Variants in DMD observed in about 807,000 individuals in gnomAD.
DMD encodes the protein dystrophin, also known as mutant dystrophin.
In DMD, 63 loss-of-function variants were observed where a neutral mutation model predicts 330.1. That is an observed-to-expected ratio of 0.19 (90% CI 0.16 to 0.24). The LOEUF (loss-of-function observed/expected upper bound fraction) is 0.24, where lower values mean the gene tolerates loss of function less well. Among genes scored for constraint, DMD ranks in the 10% least tolerant of loss-of-function variants. The probability of loss-of-function intolerance (pLI) is 1.00; values close to 1 mark genes in which losing one functional copy is unlikely to be tolerated. For missense variants in DMD, 3,344 were observed against 2,684.1 expected, an observed-to-expected ratio of 1.25 and a Z score of -5.43; for synonymous variants, 1,223 against 959.8, an observed-to-expected ratio of 1.27 and a Z score of -5.07.
At chrX:32,333,037 T>G (rs1027816939) in intron 41 of DMD, among the ~76,000 whole-genome samples, 11 of 111,682 alleles carry the variant, frequency 9.8e-5, no homozygotes, top group African/African-American at 3.6e-4. Flanking sequence ...CTATGGAAAC[T>G]GAGAAACAAT....
intron 2 of DMD, among the ~76,000 whole-genome samples, chrX:32,917,480 A>T (rs1689070187): frequency 8.9e-6 from 1 of 111,871 alleles, no homozygotes; most frequent in African/African-American, 3.3e-5. Context: ...ACAAATTCAC[A>T]AACATAACAT....
chrX:33,266,149 G>T (rs766102601), intron 1 of DMD, among the ~76,000 whole-genome samples: 8 of 111,412 alleles, frequency 7.2e-5, no homozygotes, highest in African/African-American at 2.6e-4. Flanking sequence ...TGATTTCCTT[G>T]ATTTGAAGCA....
At position 32,545,213 on chromosome X, in the gene DMD, G is replaced by C. The variant is rs771176356; in HGVS notation, c.2114C>G (p.Pro705Arg). 1 of 1,208,839 alleles carries C rather than the reference G, an allele frequency of 8.3e-7. No homozygotes were observed. Among genetic ancestry groups the C allele is most frequent in the African/African-American group, 1.8e-5 (1 of 57,045 alleles). ...CTGCCTCTTCTTTTGGGGAGGTGGT[G>C]GTGGAAGTTCCTCTTGAGCATGCTT... ...LVKHAQEELP[P>R]PPPQKKRQIT... is the part of the protein sequence containing the mutation. Residue 705 changes from proline (P) to arginine (R), a missense_variant, in exon 17 of 79, where the codon CCA becomes CGA. Coordinates refer to ENST00000357033, the MANE Select transcript of DMD (RefSeq NM_004006.3).
At chrX:31,789,908 C>T (rs962127341) in intron 50 of DMD, among the ~76,000 whole-genome samples, 9 of 111,160 alleles carry the variant, frequency 8.1e-5, no homozygotes, top group Admixed American at 2.9e-4. Context: ...AGGAATTATA[C>T]ATCTTGAGAA....
intron 1 of DMD, among the ~76,000 whole-genome samples, chrX:33,064,569 T>G (rs778157292): frequency 8.9e-6 from 1 of 112,476 alleles, no homozygotes; most frequent in Admixed American, 9.5e-5. Flanking sequence ...ACTTAAATGA[T>G]ATTCATTATT....
chrX:31,355,451 C>T (rs970098056), intron 60 of DMD, among the ~76,000 whole-genome samples: 1 of 111,784 alleles, frequency 8.9e-6, no homozygotes, highest in African/African-American at 3.3e-5. Flanking sequence ...TTGTCTAGAC[C>T]CTAGATAAAT....
At chrX:32,313,651 C>G (rs1052151708) in intron 41 of DMD, among the ~76,000 whole-genome samples, 2 of 111,308 alleles carry the variant, frequency 1.8e-5, no homozygotes, top group African/African-American at 6.5e-5. Flanking sequence ...TTTAGAAAAC[C>G]CCATCGTCTC....
At chrX:31,974,118 G>A (rs2095419261) in intron 44 of DMD, among the ~76,000 whole-genome samples, 1 of 111,973 alleles carries the variant, frequency 8.9e-6, no homozygotes, top group Admixed American at 9.5e-5. Context: ...GCGGAAGCAC[G>A]GATGCAGTTG....
At chrX:32,347,802 T>G (rs1176326545) in intron 38 of DMD, among the ~76,000 whole-genome samples, 1 of 111,732 alleles carries the variant, frequency 8.9e-6, no homozygotes, top group African/African-American at 3.2e-5. Context: ...GAGAGAAATG[T>G]AGTAGATACT....
At chrX:31,514,653 G>T (rs779638490) in intron 55 of DMD, among the ~76,000 whole-genome samples, 2 of 111,910 alleles carry the variant, frequency 1.8e-5, no homozygotes, top group East Asian at 5.6e-4. Flanking sequence ...TTTGAATAGC[G>T]TCTAGAACAC....
chrX:31,960,525 T>C (rs951549681), intron 45 of DMD, among the ~76,000 whole-genome samples: 2 of 111,311 alleles, frequency 1.8e-5, no homozygotes, highest in African/African-American at 6.5e-5. Flanking sequence ...GGCATGTCCA[T>C]TTACTCTTCA....
chrX:32,738,732 C>G (rs1289636051), intron 7 of DMD, among the ~76,000 whole-genome samples: 2 of 111,263 alleles, frequency 1.8e-5, no homozygotes, highest in Non-Finnish European at 3.8e-5. Context: ...CATAATAACA[C>G]AAGGAAAGAG....
intron 1 of DMD, among the ~76,000 whole-genome samples, chrX:33,321,484 C>A (rs1181158478): frequency 9.0e-6 from 1 of 111,368 alleles, no homozygotes; most frequent in Middle Eastern, 4.3e-3. Flanking sequence ...TTAAAATATT[C>A]AGTAAATCAT....
chrX:31,141,330 C>T (rs1312711796), intron 76 of DMD, among the ~76,000 whole-genome samples: 1 of 112,275 alleles, frequency 8.9e-6, no homozygotes, highest in African/African-American at 3.2e-5. Flanking sequence ...ACATAATGTA[C>T]TCAAGGCCAA....
chrX:32,088,863 T>C (rs1359292131), intron 44 of DMD, among the ~76,000 whole-genome samples: 2 of 111,246 alleles, frequency 1.8e-5, no homozygotes, highest in African/African-American at 6.5e-5. Flanking sequence ...AGCGCTAAGA[T>C]TGAAGTTCAT....
intron 17 of DMD, among the ~76,000 whole-genome samples, chrX:32,527,091 CT>C (rs1287520764): frequency 1.8e-5 from 2 of 111,493 alleles, no homozygotes; most frequent in East Asian, 5.7e-4. Flanking sequence ...TTCATAAAAA[CT>C]TATAAGCCTC....
At chrX:33,040,310 A>C (rs1427530711) in intron 1 of DMD, among the ~76,000 whole-genome samples, 2 of 110,523 alleles carry the variant, frequency 1.8e-5, no homozygotes, top group Non-Finnish European at 3.8e-5. Flanking sequence ...GAAAGATACT[A>C]AACTCTACCA....
intron 52 of DMD, among the ~76,000 whole-genome samples, chrX:31,720,348 G>A (rs1013328655): frequency 2.7e-5 from 3 of 111,924 alleles, no homozygotes; most frequent in African/African-American, 6.5e-5. Context: ...TCCATGGCAC[G>A]TGTTTAACCC....
chrX:31,250,565 T>C (rs1268493083), intron 63 of DMD, among the ~76,000 whole-genome samples: 1 of 112,332 alleles, frequency 8.9e-6, no homozygotes. Context: ...ACTCAAAATA[T>C]GGTCTTTCAC....
Sources: gnomAD v4.1 joint callset for allele counts (sites outside exome capture counted in the v4.1 genomes callset) on GRCh38, gnomAD v4.1.1 for gene constraint, MANE v1.5 for transcripts, NCBI Gene and HGNC (gene_info 2026-07-23, HGNC 2026-07-21) for gene names.